ESPL1: variants seen among roughly 807,000 people sequenced by gnomAD.
ESPL1 encodes extra spindle pole bodies like 1, separase, also known as separin.
In ESPL1, 50 loss-of-function variants were observed where a neutral mutation model predicts 217.2. The ratio of observed to expected loss-of-function variants is 0.23; its 90% CI spans 0.18 to 0.29. The LOEUF (loss-of-function observed/expected upper bound fraction) is 0.29, where lower values mean the gene tolerates loss of function less well. Ranked by LOEUF, ESPL1 falls within the 10% of genes least tolerant of loss-of-function variation. The pLI is 1.00. For synonymous variants in ESPL1, 994 were observed against 1,081.3 expected, an observed-to-expected ratio of 0.92 and a Z score of 1.58; for missense variants, 1,834 against 2,603.0, an observed-to-expected ratio of 0.70 and a Z score of 6.43.
chr12:53,289,991 G>A (rs997413084), intron 22 of ESPL1, 94 bp from the exon 23 acceptor site: 112 of 1,450,438 alleles, frequency 7.7e-5, no homozygotes, highest in Admixed American at 1.9e-4. Flanking sequence ...GCTTCTTGAT[G>A]CTGGCTTGAG....
In ESPL1 at chr12:53,277,614, G is replaced by A; in HGVS notation, c.2224+6G>A. 1 of 1,613,956 alleles carries A rather than the reference G, an allele frequency of 6.2e-7. No individual in the cohort carries two copies. The highest frequency in any genetic ancestry group is 8.5e-7 in the Non-Finnish European group (1 of 1,179,884). ...CAACCTGGCTGCAGATGCTGGTGAG[G>A]GGTAAATGGAGTGTGGCATGGGCAT... On this transcript the variant is annotated splice_donor_region_variant and intron_variant, in intron 10 of 30. Coordinates refer to ENST00000257934, the MANE Select transcript of ESPL1 (RefSeq NM_012291.5).
chr12:53,284,186 A>C lies in ESPL1; in HGVS notation c.3187+19A>C. 1 of 1,462,116 alleles carries C rather than the reference A, an allele frequency of 6.8e-7. No homozygotes were observed. The highest frequency in any genetic ancestry group is 1.1e-5 in the South Asian group (1 of 88,020). 90.6% of individuals were successfully genotyped at this position (1,462,116 alleles called of 1,614,324 possible). On this transcript the variant is annotated intron_variant, in intron 17 of 30. Coordinates refer to ENST00000257934, the MANE Select transcript of ESPL1 (RefSeq NM_012291.5). ...TGCACAGGTGAGCAGCCATGTCCCC[A>C]TGACCATAGGCGGTGCTGAAATGAC...
At chr12:53,289,963 C>T (rs1592496688) in intron 22 of ESPL1, 122 bp from the exon 23 acceptor site, 1 of 1,107,654 alleles carries the variant, frequency 9.0e-7, no homozygotes, top group Non-Finnish European at 1.3e-6. Flanking sequence ...GCACCTTGAC[C>T]TCTAGTGACC....
chr12:53,282,584 G>C lies in ESPL1; in HGVS notation c.2791+149G>C. ...AGAGTAGGCCTGGGATAGCAGATGG[G>C]TTTCAGTTTGCCTGCTGACTCTAAA... On this transcript the variant is annotated intron_variant, in intron 14 of 30. Coordinates refer to ENST00000257934, the MANE Select transcript of ESPL1 (RefSeq NM_012291.5). The surrounding 1 kb of genome is among the most constrained non-coding windows in gnomAD (Gnocchi z 4.0). 1.5e-6 allele frequency: 1 copy of C among 675,032 alleles called. No individual in the cohort carries two copies. The highest frequency in any genetic ancestry group is 2.7e-5 in the East Asian group (1 of 36,412). The allele number at this position is 675,032 out of a possible 1,614,324, so 41.8% of individuals were successfully genotyped here.
In ESPL1 at chr12:53,280,870, G is replaced by A. The variant is rs1387426680; in HGVS notation, c.2500-637G>A. On this transcript the variant is annotated intron_variant, in intron 12 of 30. Transcript: ENST00000257934. Reference sequence around the variant, plus strand: ...TAGCCAGGTATGGTGGCGCATGCCCGTAATCCCAGCTACCTGGGAGGCTGA... The same window carrying A: ...TAGCCAGGTATGGTGGCGCATGCCCATAATCCCAGCTACCTGGGAGGCTGA... Among the ~76,000 whole-genome samples, 6 of 151,704 alleles carry A rather than the reference G, an allele frequency of 4.0e-5. No individual in the cohort carries two copies. In the East Asian group the frequency reaches 8.2e-4, roughly 21 times the overall value.
At chr12:53,280,454 T>A (rs922178515) in intron 12 of ESPL1, among the ~76,000 whole-genome samples, 49 of 146,676 alleles carry the variant, frequency 3.3e-4, no homozygotes, top group Non-Finnish European at 5.9e-4. Flanking sequence ...TGGTGTCATT[T>A]CCATTTCCAT....
Position 53,277,922 on chromosome 12 carries a change from C to A in ESPL1, c.2326C>A (p.Leu776Met). The A allele has an allele frequency of 6.2e-7, 1 of 1,614,108 alleles. No individual in the cohort carries two copies. Among genetic ancestry groups the A allele is most frequent in the Non-Finnish European group, 8.5e-7 (1 of 1,180,022 alleles). The change falls in exon 11 of 31, where the codon CTG becomes ATG. Residue 776 changes from leucine (L) to methionine (M), a missense_variant. This residue lies in a region of ESPL1 where 746 missense variants were observed against 1,077.0 expected (regional missense o/e 0.69). Transcript: ENST00000257934. ...GTGTCTCCAGCAGACAGCAGCCTCA[C>A]TGCAGATCCTAGCAGCCCTCTACCA... ...VRCLQQTAAS[L>M]QILAALYQLV...
Position 53,282,211 on chromosome 12 carries a change from C to T in ESPL1, c.2620-53C>T. On this transcript the variant is annotated intron_variant, in intron 13 of 30. Transcript: ENST00000257934. This position sits in a 1 kb window ranked among gnomAD's most constrained non-coding sequence, Gnocchi z 4.0. ...CACGTAATCTCCAGGGCCTCTCAAG[C>T]TCTGGAGTGCCTGACTGCCTTACTG... The T allele has an allele frequency of 6.5e-7, 1 of 1,533,514 alleles. No homozygotes were observed. The highest frequency in any genetic ancestry group is 1.1e-5 in the South Asian group (1 of 88,712). The allele number at this position is 1,533,514 out of a possible 1,614,324, so 95.0% of individuals were successfully genotyped here. A position where few individuals can be genotyped will look rare whatever the true frequency, so the allele number is the denominator to read the frequency against.
rs575455248 is a variant in ESPL1, at chr12:53,274,942, G to A, written c.1632G>A (p.Glu544=). ...LQPCSPEHMA[E]PVTFWVRVKM... ...CCTGTAGCCCTGAACACATGGCTGA[G>A]CCAGTCACTTTCTGGGTTCGGGTCA... Residue 544 remains glutamate, a synonymous_variant, in exon 7 of 31, where the codon GAG becomes GAA. Coordinates refer to ENST00000257934, the MANE Select transcript of ESPL1 (RefSeq NM_012291.5). 5.0e-5 allele frequency: 80 copies of A among 1,597,828 alleles called. No homozygotes were observed. The East Asian group carries it at 1.3e-3, about 26-fold the overall frequency.
chr12:53,288,063 G>A lies in ESPL1; in HGVS notation c.4268G>A (p.Arg1423Gln), dbSNP rs750078014. ...CCTAAGAGACGGGGCACTGCTTCCC[G>A]GGGCCGGGGGCGAGCAAGGAAGGGC... ...EEPKRRGTAS[R>Q]GRGRARKGLS... The change falls in exon 19 of 31, where the codon CGG becomes CAG. Residue 1423 changes from arginine to glutamine, a missense_variant. Around this residue, in one of 5 missense-constraint regions of ESPL1, gnomAD observed 681 missense variants for 808.0 expected, o/e 0.84. Coordinates refer to ENST00000257934, the MANE Select transcript of ESPL1 (RefSeq NM_012291.5). 28 of 1,613,440 alleles carry A rather than the reference G, an allele frequency of 1.7e-5. No individual in the cohort carries two copies. Among genetic ancestry groups the A allele is most frequent in the East Asian group, 4.5e-5 (2 of 44,892 alleles).
At chr12:53,271,865 G>A (rs4758962) in intron 5 of ESPL1, among the ~76,000 whole-genome samples, 63,908 of 151,752 alleles carry the variant, frequency 0.42, 14,360 homozygotes, top group East Asian at 0.6. Flanking sequence ...CGAGGCGGGC[G>A]GATAACGAGG....
intron 5 of ESPL1, among the ~76,000 whole-genome samples, chr12:53,272,098 A>G (rs1565751895): frequency 6.6e-6 from 1 of 152,192 alleles, no homozygotes; most frequent in African/African-American, 2.4e-5. Flanking sequence ...AAAAAAAAAA[A>G]AAAAAATTTG....
intron 17 of ESPL1, 90 bp from the exon 18 acceptor site, chr12:53,285,834 T>G: frequency 1.1e-6 from 1 of 950,766 alleles, no homozygotes; most frequent in African/African-American, 1.6e-5. Context: ...ATAAAACACA[T>G]ATATTAGAGA....
Position 53,277,508 on chromosome 12 carries a change from C to T in ESPL1, c.2124C>T (p.Asn708=). 1.9e-6 allele frequency: 3 copies of T among 1,614,146 alleles called. No homozygotes were observed. The highest frequency in any genetic ancestry group is 2.5e-6 in the Non-Finnish European group (3 of 1,180,024). Residue 708 remains asparagine, a synonymous_variant, in exon 10 of 31, where the codon AAC becomes AAT. Coordinates refer to ENST00000257934, the MANE Select transcript of ESPL1 (RefSeq NM_012291.5). The stretch of plus-strand genomic sequence containing the variant: ...ATCGGAGAGCCCAGGCCCCTGGTAA[C>T]TTGGAGGAATTTGAAGTCAATGACC... ...ERDRRAQAPG[N]LEEFEVNDLN...
rs1489763867 is a variant in ESPL1 at position 53,292,023 on chromosome 12, C to G, written c.5731C>G (p.Gln1911Glu). Residue 1911 changes from glutamine (Q) to glutamate (E), a missense_variant, in exon 27 of 31, where the codon CAA becomes GAA. By Grantham distance (29) the Gln-to-Glu change is conservative. This residue lies in a region of ESPL1 where 295 missense variants were observed against 519.8 expected (regional missense o/e 0.57). Coordinates refer to ENST00000257934, the MANE Select transcript of ESPL1 (RefSeq NM_012291.5). This position sits in a 1 kb window ranked among gnomAD's most constrained non-coding sequence, Gnocchi z 4.5. ...GCCGTGGGAAAGCATGCCCAGCCTC[C>G]AAGCACTGCCTGTCACCCGGCTGCC... ...KLPWESMPSL[Q>E]ALPVTRLPSF... is the part of the protein sequence containing the mutation. 6.2e-7 allele frequency: 1 copy of G among 1,614,000 alleles called. No homozygotes were observed. Among genetic ancestry groups the G allele is most frequent in the Non-Finnish European group, 8.5e-7 (1 of 1,180,002 alleles).
chr12:53,279,904 G>C (rs1262145191), intron 12 of ESPL1, 38 bp downstream of exon 12: 1 of 1,510,598 alleles, frequency 6.6e-7, no homozygotes, highest in African/African-American at 1.4e-5. Context: ...GACTGCAGGG[G>C]GCCCGTAGCT....
chr12:53,281,561 A>T lies in ESPL1; in HGVS notation c.2554A>T (p.Thr852Ser), dbSNP rs1943862495. 1.2e-6 allele frequency: 2 copies of T among 1,613,444 alleles called. No homozygotes were observed. The highest frequency in any genetic ancestry group is 2.2e-5 in the South Asian group (2 of 91,078). Residue 852 changes from threonine to serine, a missense_variant, in exon 13 of 31, where the codon ACA becomes TCA. Thr to Ser is a moderately conservative substitution (Grantham distance 58). Around this residue, in one of 5 missense-constraint regions of ESPL1, gnomAD observed 746 missense variants for 1,077.0 expected, o/e 0.69. Coordinates refer to ENST00000257934, the MANE Select transcript of ESPL1 (RefSeq NM_012291.5). Reference sequence around the variant, plus strand: ...GAAGCATCTCGATCAGACTACTGACACATACCTGCTCCTTTCCCTGACCTG... The same window carrying T: ...GAAGCATCTCGATCAGACTACTGACTCATACCTGCTCCTTTCCCTGACCTG... ...SLKHLDQTTD[T>S]YLLLSLTCDL...
rs769040155 is a variant in ESPL1 at position 53,277,837 on chromosome 12, G to A, written c.2241G>A (p.Leu747=). The change falls in exon 11 of 31, where the codon CTG becomes CTA. Residue 747 remains leucine, a synonymous_variant. Transcript: ENST00000257934. Reference sequence around the variant, plus strand: ...GCTTAACAGCTCAGTCCAAATGCCTGGACCAAGCCCTGGCCCTGTGGAAGG... The same window carrying A: ...GCTTAACAGCTCAGTCCAAATGCCTAGACCAAGCCCTGGCCCTGTGGAAGG... The part of the protein sequence containing the change: ...LAADAAQSKC[L]DQALALWKEL... 35 of 1,614,006 alleles carry A rather than the reference G, an allele frequency of 2.2e-5. No homozygotes were observed. Among genetic ancestry groups the A allele is most frequent in the Non-Finnish European group, 3.0e-5 (35 of 1,180,014 alleles).
At chr12:53,283,005 G>A in intron 14 of ESPL1, 124 bp from the exon 15 acceptor site, 1 of 1,280,716 alleles carries the variant, frequency 7.8e-7, no homozygotes, top group Non-Finnish European at 1.1e-6. Flanking sequence ...GGAGTTATGA[G>A]ATTGATTAGC....
Sources: gnomAD v4.1 joint callset for allele counts (sites outside exome capture counted in the v4.1 genomes callset) on GRCh38, gnomAD v4.1.1 for gene constraint, gnomAD v4.1.1 regional missense constraint, Gnocchi (gnomAD v3.1) non-coding constraint, MANE v1.5 for transcripts, NCBI Gene and HGNC (gene_info 2026-07-23, HGNC 2026-07-21) for gene names.